The following JPT1 variants were observed in gnomAD, a reference collection of about 807,000 sequenced individuals.
JPT1 encodes the protein Jupiter microtubule associated homolog 1, also known as androgen-regulated protein 2.
JPT1 carries 5 observed loss-of-function variants against 17.0 expected under a neutral mutation model. That is an observed-to-expected ratio of 0.29 (90% CI 0.15 to 0.62). The LOEUF (loss-of-function observed/expected upper bound fraction) is 0.62, where lower values mean the gene tolerates loss of function less well. JPT1 is among the 20% of genes least tolerant of loss of function. The pLI is 0.85. For missense variants in JPT1, 158 were observed against 188.1 expected, an observed-to-expected ratio of 0.84 and a Z score of 0.94; for synonymous variants, 71 against 73.6, an observed-to-expected ratio of 0.96 and a Z score of 0.18.
intron 1 of JPT1, 99 bp downstream of exon 1, chr17:75,154,243 G>A: frequency 1.1e-6 from 1 of 951,316 alleles, no homozygotes; most frequent in Non-Finnish European, 1.4e-6. Flanking sequence ...CACAGCGCAC[G>A]GGGCTCGTTA....
intron 1 of JPT1, among the ~76,000 whole-genome samples, chr17:75,151,944 G>A (rs1458730109): frequency 5.9e-5 from 9 of 151,394 alleles, no homozygotes; most frequent in Admixed American, 4.0e-4. Context: ...ACTCCAGCTC[G>A]GGCAAAAAGA....
At chr17:75,147,875 T>C (rs750875463) in intron 2 of JPT1, 10 of 480,954 alleles carry the variant, frequency 2.1e-5, no homozygotes, top group Non-Finnish European at 3.4e-5. Context: ...GGTGCATGCT[T>C]GTAATCCTAG....
chr17:75,137,336 G>GTTTT (rs2074218063), intron 4 of JPT1, among the ~76,000 whole-genome samples: 2 of 151,150 alleles, frequency 1.3e-5, no homozygotes, highest in South Asian at 4.2e-4. Flanking sequence ...TTGTTTGTTT[G>GTTTT]TTTTTTGTGG....
In JPT1 at chr17:75,141,647, C is replaced by CA. The variant is rs751680071; in HGVS notation, c.316+5018dup. 5.4e-4 allele frequency among the ~76,000 whole-genome samples: 80 copies of CA among 147,518 alleles called. 1 individual carries two copies. The highest frequency in any genetic ancestry group is 8.9e-4 in the Admixed American group (13 of 14,678). ...CAGCCTGGCGACAGAGTGAGACTCTCAAAAAAAACAAAAAGGAAAAAACAA... is the reference window on the plus strand; with the variant it reads ...CAGCCTGGCGACAGAGTGAGACTCTCAAAAAAAAACAAAAAGGAAAAAACAA... On this transcript the variant is annotated intron_variant, in intron 4 of 4. Transcript: ENST00000409753.
rs1338080104 is a variant in JPT1, at chr17:75,136,027, A to G, written c.*75T>C. 1 of 1,613,836 alleles carries G rather than the reference A, an allele frequency of 6.2e-7. No homozygotes were observed. On this transcript the variant is annotated 3_prime_UTR_variant, in exon 5 of 5. Transcript: ENST00000409753. ...TTAATGAAACAAATCCAAGAGATGT[A>G]CAGTCAGGCTCAAGTTGTGCAGTTC...
chr17:75,146,801 T>G, intron 3 of JPT1, 117 bp from the exon 4 acceptor site: 1 of 696,302 alleles, frequency 1.4e-6, no homozygotes, highest in Non-Finnish European at 2.5e-6. Flanking sequence ...TTTCATTGTG[T>G]TGCAATCAAG....
chr17:75,149,098 C>T, intron 1 of JPT1: 1 of 1,241,324 alleles, frequency 8.1e-7, no homozygotes, highest in Non-Finnish European at 1.1e-6. Flanking sequence ...CACCTGTAAT[C>T]CCAGCACCCT....
chr17:75,136,156 T>TGGGGCC lies in JPT1; in HGVS notation c.405_410dup (p.Ala136_Pro137dup). 1.2e-6 allele frequency: 2 copies of TGGGGCC among 1,614,166 alleles called. No homozygotes were observed. Among genetic ancestry groups the TGGGGCC allele is most frequent in the Non-Finnish European group, 1.7e-6 (2 of 1,180,016 alleles). On this transcript the variant is annotated inframe_insertion, in exon 5 of 5. Transcript: ENST00000409753. ...CAGGGGGATTTCTTCTGGATGGCAC[T>TGGGGCC]GGGGCCGGGGCCACCGGGCTGGGCA...
intron 4 of JPT1, among the ~76,000 whole-genome samples, chr17:75,139,890 CATA>C (rs1032286736): frequency 1.3e-5 from 2 of 152,096 alleles, no homozygotes; most frequent in African/African-American, 4.8e-5. Flanking sequence ...GTTTCCAGCC[CATA>C]ATGAGATAAG....
At chr17:75,148,920 C>T (rs73352408) in intron 1 of JPT1, among the ~76,000 whole-genome samples, 1 of 152,290 alleles carries the variant, frequency 6.6e-6, no homozygotes, top group African/African-American at 2.4e-5. Context: ...GCTGAAACAG[C>T]ATGGAACTCA....
intron 4 of JPT1, chr17:75,142,607 GGGGGAGAGA>G: frequency 4.3e-6 from 1 of 230,504 alleles, no homozygotes; most frequent in Admixed American, 5.8e-5. Context: ...GGGAGGGGAA[GGGGGAGAGA>G]GGAGGGGAGG....
chr17:75,139,473 A>G (rs944126456), intron 4 of JPT1, among the ~76,000 whole-genome samples: 8 of 152,118 alleles, frequency 5.3e-5, no homozygotes, highest in Non-Finnish European at 1.0e-4. Context: ...AGAAGAAGAA[A>G]AAAATAAAAA....
At chr17:75,149,137 G>T in intron 1 of JPT1, 1 of 882,440 alleles carries the variant, frequency 1.1e-6, no homozygotes, top group Non-Finnish European at 1.6e-6. Context: ...CATCACTTGA[G>T]CCTAGGAGTT....
At chr17:75,147,983 GCAAC>G (rs1171019853) in intron 2 of JPT1, 8 of 267,564 alleles carry the variant, frequency 3.0e-5, no homozygotes, top group Non-Finnish European at 5.8e-5. Flanking sequence ...TCCAGCCTGG[GCAAC>G]AGAATGAGAC....
intron 4 of JPT1, among the ~76,000 whole-genome samples, chr17:75,144,577 GTTCT>G (rs1344173443): frequency 6.6e-6 from 1 of 152,142 alleles, no homozygotes; most frequent in African/African-American, 2.4e-5. Context: ...GTTTCCCTGA[GTTCT>G]TTCTGTGAAC....
At chr17:75,140,389 A>G (rs1329668384) in intron 4 of JPT1, among the ~76,000 whole-genome samples, 2 of 152,070 alleles carry the variant, frequency 1.3e-5, no homozygotes, top group African/African-American at 2.4e-5. Flanking sequence ...AGACATCTCT[A>G]TCTGAATAGA....
At chr17:75,146,812 C>T (rs985861343) in intron 3 of JPT1, 128 bp from the exon 4 acceptor site, 3 of 668,386 alleles carry the variant, frequency 4.5e-6, no homozygotes, top group East Asian at 5.5e-5. Context: ...TGCAATCAAG[C>T]ACAGGGTCAG....
intron 4 of JPT1, among the ~76,000 whole-genome samples, chr17:75,137,685 C>CTTTTTTTTTT (rs60118585): frequency 8.9e-6 from 1 of 112,846 alleles, no homozygotes; most frequent in Non-Finnish European, 1.6e-5. Flanking sequence ...CCTAGTTTTC[C>CTTTTTTTTTT]TTTTTTTTTT....
Position 75,136,550 on chromosome 17 carries a change from G to A in JPT1, c.317-300C>T, listed in dbSNP as rs894998560. Among the ~76,000 whole-genome samples, 41 of 152,172 alleles carry A rather than the reference G, an allele frequency of 2.7e-4. 2 individuals are homozygous for A. In the East Asian group the frequency reaches 7.3e-3, roughly 27 times the overall value. ...GCTGTTGCCCAGGCTGGAGTGCAAT[G>A]GTGCAGTCTTGGCTCACTGCAACCT... is the stretch of plus-strand genomic sequence containing the variant. On this transcript the variant is annotated intron_variant, in intron 4 of 4. Coordinates refer to ENST00000409753, the MANE Select transcript of JPT1 (RefSeq NM_016185.4).
Sources: gnomAD v4.1 joint callset for allele counts (sites outside exome capture counted in the v4.1 genomes callset) on GRCh38, gnomAD v4.1.1 for gene constraint, MANE v1.5 for transcripts, NCBI Gene and HGNC (gene_info 2026-07-23, HGNC 2026-07-21) for gene names.